Variants in PDE4A observed in about 807,000 individuals in gnomAD.
PDE4A encodes the protein 3',5'-cyclic-AMP phosphodiesterase 4A.
PDE4A carries 21 observed loss-of-function variants against 73.9 expected under a neutral mutation model. That is an observed-to-expected ratio of 0.28 (90% CI 0.20 to 0.41). The LOEUF is 0.41. Among genes scored for constraint, PDE4A ranks in the 10% least tolerant of loss-of-function variants. PDE4A has a pLI of 1.00. For missense variants in PDE4A, 958 were observed against 1,211.4 expected (o/e 0.79, Z 3.10); for synonymous variants, 463 against 505.4 (o/e 0.92, Z 1.13).
chr19:10,435,981 G>T (rs2145487476), intron 1 of PDE4A, among the ~76,000 whole-genome samples: 1 of 152,306 alleles, frequency 6.6e-6, no homozygotes, highest in South Asian at 2.1e-4. Context: ...CCCAGGGAGT[G>T]TCCTCTTCCC....
At chr19:10,416,872 T>C (rs1256132835), upstream of PDE4A, 40 of 1,534,164 alleles carry the variant, frequency 2.6e-5, no homozygotes, top group Non-Finnish European at 3.5e-5. Context: ...TGCGTTTGGC[T>C]TGGTCTTGTA....
chr19:10,426,289 C>T (rs187842824), intron 1 of PDE4A, among the ~76,000 whole-genome samples: 286 of 152,334 alleles, frequency 1.9e-3, no homozygotes, highest in Non-Finnish European at 3.3e-3. Flanking sequence ...AAACACTGAG[C>T]GCCTTCAGAA....
At position 10,468,536 on chromosome 19, in the gene PDE4A, T is replaced by G. The variant is rs1376215982; in HGVS notation, c.*915T>G. 7.9e-6 allele frequency: 1 copy of G among 126,664 alleles called. No homozygotes were observed. Among genetic ancestry groups the G allele is most frequent in the African/African-American group, 3.0e-5 (1 of 32,850 alleles). The allele number at this position is 126,664 out of a possible 1,614,324, so 7.8% of individuals were successfully genotyped here. ...GCTTCTCCTCTTGTTTCTGCCTTAA[T>G]AATTCCCACGGCCACAGGCAAGGGG... is the stretch of plus-strand genomic sequence containing the variant. On this transcript the variant is annotated 3_prime_UTR_variant, in exon 15 of 15. Coordinates refer to ENST00000380702, the MANE Select transcript of PDE4A (RefSeq NM_001111307.2).
intron 14 of PDE4A, among the ~76,000 whole-genome samples, chr19:10,466,000 C>T (rs1261081352): frequency 6.9e-6 from 1 of 144,214 alleles, no homozygotes; most frequent in African/African-American, 2.5e-5. Flanking sequence ...TGCATCCGGC[C>T]TACTTTTTTT....
rs2043441533 is a variant in PDE4A, at chr19:10,469,516, G to A, written c.*1895G>A. ...CAAGCAGGGCTCCTCTCCCCAGGGTGAGCACAGGACCTCTGTAAGCTGCTT... is the reference window on the plus strand; with the variant it reads ...CAAGCAGGGCTCCTCTCCCCAGGGTAAGCACAGGACCTCTGTAAGCTGCTT... On this transcript the variant is annotated 3_prime_UTR_variant, in exon 15 of 15. Coordinates refer to ENST00000380702, the MANE Select transcript of PDE4A (RefSeq NM_001111307.2). 1.3e-5 allele frequency: 2 copies of A among 152,496 alleles called. No homozygotes were observed. The highest frequency in any genetic ancestry group is 3.8e-4 in the East Asian group (2 of 5,314). The allele number at this position is 152,496 out of a possible 1,614,324, so 9.4% of individuals were successfully genotyped here.
At position 10,450,814 on chromosome 19, in the gene PDE4A, C is replaced by T. The variant is rs777042607; in HGVS notation, c.671-15C>T. 4 of 1,597,716 alleles carry T rather than the reference C, an allele frequency of 2.5e-6. No homozygotes were observed. The highest frequency in any genetic ancestry group is 2.6e-6 in the Non-Finnish European group (3 of 1,172,472). On this transcript the variant is annotated splice_polypyrimidine_tract_variant and intron_variant, in intron 5 of 14. Transcript: ENST00000380702. Reference sequence around the variant, plus strand: ...CAGACCTTCTCAGTCACTACCCTGGCTGCCCCTTCCTTAGAAGAAACGTGT... The same window carrying T: ...CAGACCTTCTCAGTCACTACCCTGGTTGCCCCTTCCTTAGAAGAAACGTGT...
chr19:10,458,128 G>A lies in PDE4A; in HGVS notation c.1101+26G>A, dbSNP rs751762747. 7 of 1,608,548 alleles carry A rather than the reference G, an allele frequency of 4.4e-6. No individual in the cohort carries two copies. The highest frequency in any genetic ancestry group is 8.5e-7 in the Non-Finnish European group (1 of 1,175,808). ...GTGGGTGGGGGCTCAGTAGGGGCAG[G>A]GCTGGAGGGGGTGGTCTCCTGGGAC... is the stretch of plus-strand genomic sequence containing the variant. On this transcript the variant is annotated intron_variant, in intron 8 of 14. Transcript: ENST00000380702. This position sits in a 1 kb window ranked among gnomAD's most constrained non-coding sequence, Gnocchi z 4.6.
chr19:10,437,787 C>T (rs962909539), intron 1 of PDE4A, among the ~76,000 whole-genome samples: 2 of 150,068 alleles, frequency 1.3e-5, no homozygotes, highest in Non-Finnish European at 3.0e-5. Flanking sequence ...CAACCATCAC[C>T]ACCATCCATC....
chr19:10,418,154 C>G (rs2042606222), upstream of PDE4A, among the ~76,000 whole-genome samples: 2 of 152,192 alleles, frequency 1.3e-5, 1 homozygote, highest in African/African-American at 4.8e-5. Flanking sequence ...AGAGCTGGGG[C>G]AGGTTGATCA....
In PDE4A at chr19:10,450,587, T is replaced by TA; in HGVS notation, c.621-16_621-15insA. 1 of 1,570,674 alleles carries TA rather than the reference T, an allele frequency of 6.4e-7. No homozygotes were observed. Among genetic ancestry groups the TA allele is most frequent in the East Asian group, 2.3e-5 (1 of 44,350 alleles). On this transcript the variant is annotated splice_polypyrimidine_tract_variant and intron_variant, in intron 4 of 14. Coordinates refer to ENST00000380702, the MANE Select transcript of PDE4A (RefSeq NM_001111307.2). ...ACCCAGGCTGACATTGCAGCCCCATTTTTTTTTTTCTGCAGGCGGTCCCCG... is the reference window on the plus strand; with the variant it reads ...ACCCAGGCTGACATTGCAGCCCCATTATTTTTTTTTCTGCAGGCGGTCCCCG...
chr19:10,443,961 C>T (rs145326680), intron 1 of PDE4A, among the ~76,000 whole-genome samples: 163 of 146,990 alleles, frequency 1.1e-3, no homozygotes, highest in African/African-American at 3.2e-3. Context: ...GAGCCAAGAT[C>T]GCATCACTGG....
intron 1 of PDE4A, among the ~76,000 whole-genome samples, chr19:10,433,902 C>T (rs752109812): frequency 1.8e-4 from 28 of 151,916 alleles, no homozygotes; most frequent in Admixed American, 1.2e-3. Flanking sequence ...GGAAGACACT[C>T]GTCGCAGCTT....
At chr19:10,456,525 CAAAA>C (rs1170935035) in intron 7 of PDE4A, among the ~76,000 whole-genome samples, 17 of 145,094 alleles carry the variant, frequency 1.2e-4, no homozygotes, top group African/African-American at 2.2e-4. Context: ...GACTCCATCT[CAAAA>C]AAAAAATAAA....
chr19:10,455,890 A>C (rs957218373), intron 7 of PDE4A, among the ~76,000 whole-genome samples: 1 of 152,060 alleles, frequency 6.6e-6, no homozygotes, highest in Non-Finnish European at 1.5e-5. Flanking sequence ...ACCCAAACTC[A>C]AGAGAGATGC....
Position 10,467,208 on chromosome 19 carries a change from A to G in PDE4A, c.2248A>G (p.Ile750Val). Residue 750 changes from isoleucine to valine, a missense_variant, in exon 15 of 15, where the codon ATA becomes GTA. Ile to Val is a conservative substitution (Grantham distance 29). Coordinates refer to ENST00000380702, the MANE Select transcript of PDE4A (RefSeq NM_001111307.2). ...SGVEEALDAT[I>V]AWEASPAQES... ...AGTCGAGGAAGCTCTGGATGCAACC[A>G]TAGCCTGGGAGGCATCCCCGGCCCA... 3 of 1,614,164 alleles carry G rather than the reference A, an allele frequency of 1.9e-6. No individual in the cohort carries two copies. The highest frequency in any genetic ancestry group is 2.5e-6 in the Non-Finnish European group (3 of 1,180,024).
chr19:10,425,936 G>A (rs1208459616), intron 1 of PDE4A, among the ~76,000 whole-genome samples: 1 of 135,428 alleles, frequency 7.4e-6, no homozygotes, highest in African/African-American at 2.9e-5. Flanking sequence ...GCGGTGAGCC[G>A]AGATTGGGCC....
Position 10,430,866 on chromosome 19 carries a change from G to A in PDE4A, c.320+9782G>A, listed in dbSNP as rs574017951. 231 of 1,422,948 alleles carry A rather than the reference G, an allele frequency of 1.6e-4. 1 individual carries two copies. The African/African-American group carries it at 2.3e-3, about 14-fold the overall frequency. The allele number at this position is 1,422,948 out of a possible 1,614,324, so 88.1% of individuals were successfully genotyped here. A position where few individuals can be genotyped will look rare whatever the true frequency, so the allele number is the denominator to read the frequency against. On this transcript the variant is annotated intron_variant, in intron 1 of 14. Coordinates refer to ENST00000380702, the MANE Select transcript of PDE4A (RefSeq NM_001111307.2). ...GGCCATGGCGCGGCCGCGCGGCCTAGGCCGCATCCCGGAGCTGCAACTGGT... is the reference window on the plus strand; with the variant it reads ...GGCCATGGCGCGGCCGCGCGGCCTAAGCCGCATCCCGGAGCTGCAACTGGT...
At chr19:10,448,322 A>G (rs1289931252) in intron 2 of PDE4A, among the ~76,000 whole-genome samples, 1 of 151,842 alleles carries the variant, frequency 6.6e-6, no homozygotes, top group Admixed American at 6.6e-5. Flanking sequence ...ATAAGATGTC[A>G]TCTCTTTAAA....
intron 10 of PDE4A, among the ~76,000 whole-genome samples, chr19:10,460,250 G>C (rs1389176313): frequency 6.6e-6 from 1 of 151,478 alleles, no homozygotes; most frequent in East Asian, 2.0e-4. Context: ...TGTAATCCCA[G>C]CACTTTGGAA....
Sources: gnomAD v4.1 joint callset for allele counts (sites outside exome capture counted in the v4.1 genomes callset) on GRCh38, gnomAD v4.1.1 for gene constraint, Gnocchi (gnomAD v3.1) non-coding constraint, MANE v1.5 for transcripts, NCBI Gene and HGNC (gene_info 2026-07-23, HGNC 2026-07-21) for gene names.